Variants in DAB1 observed in about 807,000 individuals in gnomAD.
The protein encoded by DAB1 is disabled homolog 1.
In DAB1, 15 loss-of-function variants were observed where a neutral mutation model predicts 64.6. That is an observed-to-expected ratio of 0.23 (90% confidence interval 0.16 to 0.36). The LOEUF (loss-of-function observed/expected upper bound fraction) is 0.36, where lower values mean the gene tolerates loss of function less well. Among genes scored for constraint, DAB1 ranks in the 10% least tolerant of loss-of-function variants. The pLI is 1.00. For synonymous variants in DAB1, 235 were observed against 251.9 expected (o/e 0.93, Z 0.64); for missense variants, 596 against 706.7 (o/e 0.84, Z 1.78).
intron 1 of DAB1, among the ~76,000 whole-genome samples, chr1:57,384,373 G>A (rs4912243): frequency 0.2 from 30,434 of 152,016 alleles, 3,159 homozygotes; most frequent in Middle Eastern, 0.23. Flanking sequence ...GGTAAACATA[G>A]AATTACCATA....
intron 3 of DAB1, among the ~76,000 whole-genome samples, chr1:58,490,956 C>T (rs1300188948): frequency 6.6e-6 from 1 of 151,606 alleles, no homozygotes; most frequent in Non-Finnish European, 1.5e-5. Context: ...CAGGCACCCG[C>T]TACCAAGCCC....
intron 7 of DAB1, among the ~76,000 whole-genome samples, chr1:57,442,735 C>T (rs1686001371): frequency 6.6e-6 from 1 of 152,226 alleles, no homozygotes; most frequent in Non-Finnish European, 1.5e-5. Flanking sequence ...GTCAATGTCC[C>T]TGGGCATTCC....
intron 7 of DAB1, among the ~76,000 whole-genome samples, chr1:57,489,591 T>G (rs1644137055): frequency 1.3e-5 from 2 of 152,204 alleles, no homozygotes; most frequent in African/African-American, 4.8e-5. Context: ...TAAATTAGAC[T>G]TCCAGCCCTT....
intron 2 of DAB1, among the ~76,000 whole-genome samples, chr1:58,517,214 T>C (rs911486066): frequency 2.6e-5 from 4 of 152,224 alleles, no homozygotes; most frequent in African/African-American, 9.6e-5. Context: ...TCTGGACTAC[T>C]GAACCCAAAG....
intron 3 of DAB1, among the ~76,000 whole-genome samples, chr1:58,485,214 A>G (rs955032934): frequency 1.3e-5 from 2 of 148,180 alleles, no homozygotes; most frequent in African/African-American, 5.0e-5. Context: ...TCTAAAAATA[A>G]AAGAGTCTAC....
At chr1:58,538,494 ATTTT>A (rs79968247) in intron 1 of DAB1, among the ~76,000 whole-genome samples, 2 of 152,060 alleles carry the variant, frequency 1.3e-5, no homozygotes, top group Admixed American at 1.3e-4. Flanking sequence ...TAAATATAAG[ATTTT>A]TTTAATGCCT....
At chr1:58,372,899 A>G (rs1262893290) in intron 3 of DAB1, among the ~76,000 whole-genome samples, 1 of 152,190 alleles carries the variant, frequency 6.6e-6, no homozygotes, top group Non-Finnish European at 1.5e-5. Context: ...CTGTGCGTCA[A>G]TTAAACCTCT....
chr1:57,296,474 T>C (rs1251831021), intron 1 of DAB1, among the ~76,000 whole-genome samples: 2 of 152,086 alleles, frequency 1.3e-5, no homozygotes, highest in Non-Finnish European at 1.5e-5. Context: ...GGAAATGAAT[T>C]ATTTCAGAGC....
At chr1:57,889,698 G>C (rs1473430362) in intron 5 of DAB1, among the ~76,000 whole-genome samples, 1 of 152,138 alleles carries the variant, frequency 6.6e-6, no homozygotes, top group Non-Finnish European at 1.5e-5. Context: ...CAAAGGCCCG[G>C]TGAGTATGAG....
chr1:57,539,277 AT>A (rs1644767214), intron 7 of DAB1, among the ~76,000 whole-genome samples: 1 of 152,244 alleles, frequency 6.6e-6, no homozygotes, highest in Non-Finnish European at 1.5e-5. Flanking sequence ...AAACAAATGA[AT>A]AAAAATTACT....
intron 1 of DAB1, among the ~76,000 whole-genome samples, chr1:57,337,589 A>G (rs1445061681): frequency 5.9e-5 from 9 of 152,164 alleles, no homozygotes; most frequent in Non-Finnish European, 2.9e-5. Flanking sequence ...TTTATAATGT[A>G]CCCTGTAATT....
At chr1:57,128,044 G>A (rs1032964726) in intron 4 of DAB1, among the ~76,000 whole-genome samples, 5 of 152,044 alleles carry the variant, frequency 3.3e-5, no homozygotes, top group Admixed American at 1.3e-4. Context: ...CTGCACAGGA[G>A]GCTGAGGCAT....
chr1:58,061,566 C>T (rs1156597119), intron 5 of DAB1, among the ~76,000 whole-genome samples: 2 of 152,170 alleles, frequency 1.3e-5, no homozygotes, highest in Admixed American at 6.5e-5. Flanking sequence ...ATTAGAACCA[C>T]CCCCCAACAA....
chr1:57,061,012 G>C (rs1193875554), intron 9 of DAB1, among the ~76,000 whole-genome samples: 2 of 152,028 alleles, frequency 1.3e-5, no homozygotes, highest in South Asian at 2.1e-4. Context: ...TGGTGTCATG[G>C]GGGCTGGACC....
intron 5 of DAB1, among the ~76,000 whole-genome samples, chr1:57,984,592 C>T (rs927393609): frequency 6.6e-6 from 1 of 152,158 alleles, no homozygotes; most frequent in African/African-American, 2.4e-5. Context: ...AATTTGGAGG[C>T]AAGTTACTTT....
rs1015606820 is a variant in DAB1, at chr1:57,992,033, C to T, written n.388-107871G>A. On this transcript the variant is annotated intron_variant and non_coding_transcript_variant, in intron 5 of 20. Coordinates refer to the DAB1 transcript ENST00000485760. ...ACCACATGCAGTCAGCCAGAGCTCG[C>T]TGTACTTGATGGCTGTCTCTTCCAC... is the stretch of plus-strand genomic sequence containing the variant. 5.3e-5 allele frequency among the ~76,000 whole-genome samples: 8 copies of T among 152,010 alleles called. No homozygotes were observed. The South Asian group carries it at 1.7e-3, about 32-fold the overall frequency.
chr1:57,839,291 T>C (rs1456020244), intron 1 of DAB1, among the ~76,000 whole-genome samples: 7 of 152,306 alleles, frequency 4.6e-5, no homozygotes, highest in Non-Finnish European at 7.4e-5. Flanking sequence ...AAACCCAGCA[T>C]TTCACTAAGT....
chr1:57,661,624 A>G (rs1646387560), intron 6 of DAB1, among the ~76,000 whole-genome samples: 1 of 152,112 alleles, frequency 6.6e-6, no homozygotes, highest in Non-Finnish European at 1.5e-5. Context: ...ACCAAAATCC[A>G]TGGATGCTGA....
intron 1 of DAB1, chr1:57,387,088 T>G (rs1201160914): frequency 6.6e-6 from 1 of 152,186 alleles, no homozygotes; most frequent in African/African-American, 2.4e-5. Flanking sequence ...AGTAAGACTT[T>G]GGATTTAGTC....
Sources: allele counts gnomAD v4.1 joint callset (sites outside exome capture counted in the v4.1 genomes callset), GRCh38; gene constraint gnomAD v4.1.1; transcripts MANE v1.5; gene names NCBI Gene and HGNC (gene_info 2026-07-23, HGNC 2026-07-21).